The following SPTLC2 variants were observed in gnomAD, a reference collection of about 807,000 sequenced individuals.
The protein encoded by SPTLC2 is serine palmitoyltransferase long chain base subunit 2.
In SPTLC2, 21 loss-of-function variants were observed where a neutral mutation model predicts 62.0. The ratio of observed to expected loss-of-function variants is 0.34; its 90% CI spans 0.24 to 0.49. The LOEUF (loss-of-function observed/expected upper bound fraction) is 0.49. SPTLC2 is among the 20% of genes least tolerant of loss of function. The pLI, the probability that SPTLC2 is intolerant of heterozygous loss-of-function variation, is 0.99. For synonymous variants in SPTLC2, 261 were observed against 261.8 expected, an observed-to-expected ratio of 1.00 and a Z score of 0.03; for missense variants, 511 against 713.0, an observed-to-expected ratio of 0.72 and a Z score of 3.23.
chr14:77,609,610 G>C (rs10146161), intron 1 of SPTLC2, among the ~76,000 whole-genome samples: 3 of 151,840 alleles, frequency 2.0e-5, no homozygotes, highest in Non-Finnish European at 4.4e-5. Context: ...GGTGGCATGT[G>C]CCTGTAGTCC....
At chr14:77,547,423 G>T (rs2079534466) in intron 9 of SPTLC2, 2 of 152,154 alleles carry the variant, frequency 1.3e-5, no homozygotes, top group African/African-American at 4.8e-5. Flanking sequence ...GTGCTTGACG[G>T]GAGGGTTAAA....
At chr14:77,594,810 G>T (rs954256091) in intron 2 of SPTLC2, among the ~76,000 whole-genome samples, 1 of 151,142 alleles carries the variant, frequency 6.6e-6, no homozygotes, top group Non-Finnish European at 1.5e-5. Flanking sequence ...ATCAAGTTTC[G>T]ACTATGCATC....
At chr14:77,565,578 C>T (rs1274891363) in intron 5 of SPTLC2, among the ~76,000 whole-genome samples, 2 of 152,136 alleles carry the variant, frequency 1.3e-5, no homozygotes, top group African/African-American at 2.4e-5. Flanking sequence ...CATAACAACA[C>T]AACAGACAGA....
intron 2 of SPTLC2, among the ~76,000 whole-genome samples, chr14:77,595,278 T>G (rs530747352): frequency 6.6e-6 from 1 of 152,130 alleles, no homozygotes; most frequent in African/African-American, 2.4e-5. Flanking sequence ...GGCATGAGAA[T>G]TGCTTGGACC....
In SPTLC2 at chr14:77,529,620, C is replaced by CTTTTT. The variant is rs71452856; in HGVS notation, c.1304-8044_1304-8040dup. On this transcript the variant is annotated intron_variant, in intron 9 of 11. Transcript: ENST00000216484. ...TTCTAGGAAAGCAATTTCTTTCTTTCTTTTTTTTTTTTTTTTTTTTTTGAG... is the reference window on the plus strand; with the variant it reads ...TTCTAGGAAAGCAATTTCTTTCTTTCTTTTTTTTTTTTTTTTTTTTTTTTTTTGAG... Among the ~76,000 whole-genome samples the CTTTTT allele has an allele frequency of 2.9e-4, 22 of 76,044 alleles. 1 individual carries two copies. Among genetic ancestry groups the CTTTTT allele is most frequent in the Admixed American group, 4.9e-4 (3 of 6,182 alleles). 49.9% of individuals were successfully genotyped at this position (76,044 alleles called of 152,430 possible).
At chr14:77,586,137 G>A (rs534182766) in intron 2 of SPTLC2, among the ~76,000 whole-genome samples, 12 of 148,314 alleles carry the variant, frequency 8.1e-5, no homozygotes, top group South Asian at 2.1e-4. Flanking sequence ...GTGCAGTGAC[G>A]CAATCTAGAC....
intron 2 of SPTLC2, among the ~76,000 whole-genome samples, chr14:77,593,395 A>G (rs1160194165): frequency 6.6e-6 from 1 of 152,162 alleles, no homozygotes; most frequent in Non-Finnish European, 1.5e-5. Context: ...CTCCTGCCTC[A>G]GCCTAGAACA....
intron 1 of SPTLC2, among the ~76,000 whole-genome samples, chr14:77,602,505 G>T (rs1219612247): frequency 8.6e-5 from 13 of 151,384 alleles, no homozygotes; most frequent in African/African-American, 3.2e-4. Context: ...AGAGCTTCCT[G>T]TGGGGCACGA....
rs151175321 is a variant in SPTLC2 at position 77,538,767 on chromosome 14, C to T, written c.1303+13329G>A. 6.2e-3 allele frequency among the ~76,000 whole-genome samples: 950 copies of T among 152,112 alleles called. 16 individuals are homozygous for T. Among genetic ancestry groups the T allele is most frequent in the African/African-American group, 0.022 (894 of 41,492 alleles). ...TGTATTTTTAGTAGAGATGGGGTTT[C>T]GCCATGTTGCTCAGGCTGGTCTCAA... On this transcript the variant is annotated intron_variant, in intron 9 of 11. Coordinates refer to ENST00000216484, the MANE Select transcript of SPTLC2 (RefSeq NM_004863.4).
chr14:77,600,106 C>T (rs1002723911), intron 1 of SPTLC2, among the ~76,000 whole-genome samples: 3 of 152,138 alleles, frequency 2.0e-5, no homozygotes, highest in East Asian at 1.9e-4. Flanking sequence ...TAAAGATATC[C>T]GCCTTGATTT....
chr14:77,591,788 A>T (rs983798335), intron 2 of SPTLC2, among the ~76,000 whole-genome samples: 1 of 151,924 alleles, frequency 6.6e-6, no homozygotes, highest in African/African-American at 2.4e-5. Context: ...CAATGGTGTG[A>T]TCTTGGCTCA....
Position 77,579,068 on chromosome 14 carries a change from T to G in SPTLC2, c.369A>C (p.Thr123=). Residue 123 remains threonine (T), a synonymous_variant, in exon 3 of 12, where the codon ACA becomes ACC. Coordinates refer to ENST00000216484, the MANE Select transcript of SPTLC2 (RefSeq NM_004863.4). ...SLYQDFENFY[T]RNLYMRIRDN... ...CTCTTATCCTCATGTACAGATTCCT[T>G]GTATAAAAGTTTTCAAAATCTTGAT... 3 of 1,614,154 alleles carry G rather than the reference T, an allele frequency of 1.9e-6. No individual in the cohort carries two copies. The highest frequency in any genetic ancestry group is 2.5e-6 in the Non-Finnish European group (3 of 1,180,028).
intron 9 of SPTLC2, among the ~76,000 whole-genome samples, chr14:77,549,653 G>A (rs540217376): frequency 2.6e-5 from 4 of 152,282 alleles, no homozygotes; most frequent in African/African-American, 7.2e-5. Flanking sequence ...TGCCCTGACC[G>A]AATTCTTGAC....
Position 77,576,803 on chromosome 14 carries a change from ACTC to A in SPTLC2, c.592_594del (p.Glu198del). ...CGAGTACTGCACACTCCAGCTCCAT[ACTC>A]CTCAAGGACTTTGGCGGCTGCTTCT... On this transcript the variant is annotated inframe_deletion, in exon 4 of 12. Transcript: ENST00000216484. 1.2e-6 allele frequency: 2 copies of A among 1,613,982 alleles called. No homozygotes were observed. The highest frequency in any genetic ancestry group is 1.7e-6 in the Non-Finnish European group (2 of 1,180,004).
chr14:77,559,462 G>A (rs76633869), intron 6 of SPTLC2, among the ~76,000 whole-genome samples: 8,760 of 152,094 alleles, frequency 0.058, 817 homozygotes, highest in African/African-American at 0.2. Flanking sequence ...AAGAAAACAT[G>A]AAAGAATAAC....
At chr14:77,549,101 G>A (rs2079543192) in intron 9 of SPTLC2, among the ~76,000 whole-genome samples, 1 of 152,046 alleles carries the variant, frequency 6.6e-6, no homozygotes, top group African/African-American at 2.4e-5. Context: ...GAGGTGTGTG[G>A]ATCATGGGGA....
rs181078323 is a variant in SPTLC2, at chr14:77,568,635, C to T, written c.756+1749G>A. 1.5e-3 allele frequency among the ~76,000 whole-genome samples: 232 copies of T among 152,050 alleles called. 2 individuals are homozygous for T. The highest frequency in any genetic ancestry group is 0.014 in the South Asian group (69 of 4,810). ...CATCTTGGCTAACACGGTGAAACCC[C>T]GTCTGTACTAAAAATACAAAATATT... On this transcript the variant is annotated intron_variant, in intron 5 of 11. Coordinates refer to ENST00000216484, the MANE Select transcript of SPTLC2 (RefSeq NM_004863.4).
chr14:77,582,064 T>G lies in SPTLC2; in HGVS notation c.328-2955A>C, dbSNP rs190352046. Among the ~76,000 whole-genome samples the G allele has an allele frequency of 4.6e-5, 7 of 152,012 alleles. No homozygotes were observed. In the East Asian group the frequency reaches 9.7e-4, roughly 21 times the overall value. ...TTTTTTTTAATTAAAAAAAAAAATT[T>G]TTTTTTGAGACAGAGTCTCACTCTG... On this transcript the variant is annotated intron_variant, in intron 2 of 11. Coordinates refer to ENST00000216484, the MANE Select transcript of SPTLC2 (RefSeq NM_004863.4).
At chr14:77,537,691 AG>A (rs1207788890) in intron 9 of SPTLC2, among the ~76,000 whole-genome samples, 1 of 152,232 alleles carries the variant, frequency 6.6e-6, no homozygotes, top group African/African-American at 2.4e-5. Flanking sequence ...CTCCAACACT[AG>A]TAACTATGTG....
Sources: gnomAD v4.1 joint callset for allele counts (sites outside exome capture counted in the v4.1 genomes callset) on GRCh38, gnomAD v4.1.1 for gene constraint, MANE v1.5 for transcripts, NCBI Gene and HGNC (gene_info 2026-07-23, HGNC 2026-07-21) for gene names.